The following FAT3 variants were observed in gnomAD, a reference collection of about 807,000 sequenced individuals.
FAT3 encodes the protein FAT atypical cadherin 3.
FAT3 carries 95 observed loss-of-function variants against 310.2 expected under a neutral mutation model. The observed-to-expected ratio is 0.31, with a 90% confidence interval of 0.26 to 0.36. The LOEUF is 0.36. Ranked by LOEUF, FAT3 falls within the 10% of genes least tolerant of loss-of-function variation. The pLI is 1.00. For synonymous variants in FAT3, 2,314 were observed against 2,192.9 expected (o/e 1.06, Z -1.54); for missense variants, 5,408 against 5,715.6 (o/e 0.95, Z 1.74).
Position 92,891,149 on chromosome 11 carries a change from A to G in FAT3, c.*36A>G, listed in dbSNP as rs1481150568. ...TTGGGTACTTCACCCTGTTTGTTAC[A>G]GAAAAGTGGAAGCAGATTGGCTGGG... On this transcript the variant is annotated 3_prime_UTR_variant, in exon 28 of 28. Coordinates refer to ENST00000525166, the MANE Select transcript of FAT3 (RefSeq NM_001367949.2). 1.3e-6 allele frequency: 2 copies of G among 1,599,408 alleles called. No homozygotes were observed. The highest frequency in any genetic ancestry group is 1.7e-6 in the Non-Finnish European group (2 of 1,172,236).
At chr11:92,723,890 T>TGA (rs1266648369) in intron 4 of FAT3, among the ~76,000 whole-genome samples, 1 of 152,066 alleles carries the variant, frequency 6.6e-6, no homozygotes, top group Non-Finnish European at 1.5e-5. Context: ...GAATTCAAGA[T>TGA]GAGATTTGGG....
At chr11:92,657,043 T>C (rs1396841724) in intron 3 of FAT3, among the ~76,000 whole-genome samples, 1 of 152,140 alleles carries the variant, frequency 6.6e-6, no homozygotes, top group African/African-American at 2.4e-5. Flanking sequence ...GGGAGTAAGC[T>C]AGAGAAGACC....
rs1947063845 is a variant in FAT3 at position 92,304,097 on chromosome 11, T to TC, written c.-17-47996dup. Among the ~76,000 whole-genome samples the TC allele has an allele frequency of 5.3e-5, 8 of 152,240 alleles. 2 individuals carry two copies. In the South Asian group the frequency reaches 1.5e-3, roughly 28 times the overall value. ...GTAACCTTTCCATTACAAGACTTTTTCCCTCTTAATCCTGTCCAGTGGATT... is the reference window on the plus strand; with the variant it reads ...GTAACCTTTCCATTACAAGACTTTTTCCCCTCTTAATCCTGTCCAGTGGATT... On this transcript the variant is annotated intron_variant, in intron 1 of 27. Transcript: ENST00000525166.
intron 3 of FAT3, among the ~76,000 whole-genome samples, chr11:92,661,099 T>C (rs1942764919): frequency 6.6e-6 from 1 of 152,172 alleles, no homozygotes; most frequent in Non-Finnish European, 1.5e-5. Context: ...GCAAAATAAA[T>C]GTATTTGGTA....
chr11:92,764,240 G>C (rs774599682), intron 5 of FAT3, among the ~76,000 whole-genome samples: 1 of 151,966 alleles, frequency 6.6e-6, no homozygotes. Flanking sequence ...CTGTGCTATC[G>C]AGAGAGTTCT....
At chr11:92,881,758 T>C (rs978079395) in intron 23 of FAT3, among the ~76,000 whole-genome samples, 2 of 152,138 alleles carry the variant, frequency 1.3e-5, no homozygotes, top group Non-Finnish European at 2.9e-5. Flanking sequence ...AATACTAAGC[T>C]AAGAAAGAAT....
At position 92,663,356 on chromosome 11, in the gene FAT3, G is replaced by A. The variant is rs77289243; in HGVS notation, c.3608-34028G>A. 1.1e-3 allele frequency among the ~76,000 whole-genome samples: 171 copies of A among 152,230 alleles called. No individual in the cohort carries two copies. In the East Asian group the frequency reaches 0.021, roughly 18 times the overall value. ...GTGCATTGAAGACCAAGATGAGTTT[G>A]CACCTGATACCACAGGCAATGGAGA... On this transcript the variant is annotated intron_variant, in intron 3 of 27. Transcript: ENST00000525166.
chr11:92,756,670 C>G (rs1945999645), intron 4 of FAT3, among the ~76,000 whole-genome samples: 2 of 152,042 alleles, frequency 1.3e-5, no homozygotes. Flanking sequence ...TTATCTTCTA[C>G]TTGGGGAAAG....
At chr11:92,583,793 T>C (rs1938971875) in intron 3 of FAT3, among the ~76,000 whole-genome samples, 1 of 152,026 alleles carries the variant, frequency 6.6e-6, no homozygotes, top group Non-Finnish European at 1.5e-5. Flanking sequence ...GCATTGTTCG[T>C]TCATTTTAAT....
At chr11:92,629,969 T>C (rs193022284) in intron 3 of FAT3, among the ~76,000 whole-genome samples, 16 of 152,326 alleles carry the variant, frequency 1.1e-4, no homozygotes, top group African/African-American at 3.8e-4. Flanking sequence ...AATCTTTGTT[T>C]TTTTTAGCAA....
intron 2 of FAT3, among the ~76,000 whole-genome samples, chr11:92,447,057 C>T (rs2135103457): frequency 6.6e-6 from 1 of 151,932 alleles, no homozygotes; most frequent in East Asian, 1.9e-4. Context: ...TCACATACTA[C>T]AGAACAAATT....
intron 3 of FAT3, among the ~76,000 whole-genome samples, chr11:92,625,541 A>G (rs767457270): frequency 3.3e-5 from 5 of 152,192 alleles, no homozygotes; most frequent in Non-Finnish European, 7.3e-5. Context: ...GGAGCACCCA[A>G]CAAAGCTCAC....
intron 4 of FAT3, among the ~76,000 whole-genome samples, chr11:92,754,860 TG>T (rs1945945527): frequency 6.6e-6 from 1 of 151,638 alleles, no homozygotes; most frequent in African/African-American, 2.4e-5. Flanking sequence ...GAGCGAGACT[TG>T]ATCTAAAAAA....
At chr11:92,633,652 G>A (rs548500285) in intron 3 of FAT3, among the ~76,000 whole-genome samples, 4 of 152,180 alleles carry the variant, frequency 2.6e-5, no homozygotes, top group Admixed American at 6.5e-5. Context: ...TCAACAAACC[G>A]TGTCTACCAG....
chr11:92,511,695 T>C (rs1953296691), intron 2 of FAT3, among the ~76,000 whole-genome samples: 1 of 151,938 alleles, frequency 6.6e-6, no homozygotes. Flanking sequence ...TCCTTGAGGG[T>C]TGAGGAGCAA....
At chr11:92,678,162 G>T (rs1943350792) in intron 3 of FAT3, among the ~76,000 whole-genome samples, 2 of 152,134 alleles carry the variant, frequency 1.3e-5, no homozygotes, top group Non-Finnish European at 2.9e-5. Context: ...AGTGAAATTA[G>T]AGTTACACCC....
At chr11:92,227,318 G>A (rs2134216391) in intron 1 of FAT3, among the ~76,000 whole-genome samples, 1 of 152,296 alleles carries the variant, frequency 6.6e-6, no homozygotes, top group African/African-American at 2.4e-5. Flanking sequence ...AGTTCATCAC[G>A]GTGGATTTGT....
At chr11:92,331,871 C>G (rs1947932173) in intron 1 of FAT3, among the ~76,000 whole-genome samples, 1 of 152,154 alleles carries the variant, frequency 6.6e-6, no homozygotes, top group African/African-American at 2.4e-5. Flanking sequence ...ATATAAAGTA[C>G]TAAAGCTGGG....
chr11:92,582,796 C>T (rs1938884738), intron 3 of FAT3, among the ~76,000 whole-genome samples: 1 of 151,976 alleles, frequency 6.6e-6, no homozygotes, highest in South Asian at 2.1e-4. Flanking sequence ...ATCTGCTGCT[C>T]CTAAGATAAA....
Sources: gnomAD v4.1 joint callset for allele counts (sites outside exome capture counted in the v4.1 genomes callset) on GRCh38, gnomAD v4.1.1 for gene constraint, MANE v1.5 for transcripts, NCBI Gene and HGNC (gene_info 2026-07-23, HGNC 2026-07-21) for gene names.